Variants in TACC2 observed in about 807,000 individuals in gnomAD.
TACC2 encodes the protein transforming acidic coiled-coil-containing protein 2.
Under a neutral mutation model 227.3 loss-of-function variants are expected in TACC2, and 137 were observed. The observed-to-expected ratio is 0.60, with a 90% CI of 0.52 to 0.69. The LOEUF (loss-of-function observed/expected upper bound fraction) is 0.69. Ranked by LOEUF, TACC2 falls within the 30% of genes least tolerant of loss-of-function variation. The pLI is 0.00. For synonymous variants in TACC2, 1,523 were observed against 1,487.5 expected, an observed-to-expected ratio of 1.02 and a Z score of -0.55; for missense variants, 3,470 against 3,694.4, an observed-to-expected ratio of 0.94 and a Z score of 1.57.
At chr10:122,032,785 C>T (rs1007040958) in intron 2 of TACC2, among the ~76,000 whole-genome samples, 5 of 152,214 alleles carry the variant, frequency 3.3e-5, no homozygotes, top group East Asian at 3.9e-4. Flanking sequence ...ATGGTGAAAC[C>T]CCATCTCTAC....
chr10:122,143,019 C>T (rs927204866), intron 6 of TACC2, among the ~76,000 whole-genome samples: 7 of 152,154 alleles, frequency 4.6e-5, no homozygotes, highest in African/African-American at 1.7e-4. Context: ...GTTCCCTACT[C>T]GAGGGCCACA....
chr10:122,131,986 C>T (rs1246299352), intron 5 of TACC2, among the ~76,000 whole-genome samples: 2 of 151,238 alleles, frequency 1.3e-5, no homozygotes, highest in African/African-American at 4.9e-5. Context: ...CACGTCATTG[C>T]ACTTCAGCCT....
intron 5 of TACC2, among the ~76,000 whole-genome samples, chr10:122,105,942 C>G (rs1193617870): frequency 1.7e-3 from 188 of 109,870 alleles, no homozygotes; most frequent in East Asian, 0.012. Flanking sequence ...CATTTTCTCT[C>G]TCTGTGTGTG....
rs1324127475 is a variant in TACC2 at position 122,082,852 on chromosome 10, C to T, written c.352C>T (p.Pro118Ser). ...SSSMPFAECPPEGCLASPAAA... is the reference protein window; with the variant it reads ...SSSMPFAECPSEGCLASPAAA... ...CTCCATGCCCTTTGCCGAGTGTCCC[C>T]CGGAAGGTTGCTTGGCAAGTCCAGC... The change falls in exon 4 of 23, where the codon CCG (proline) becomes TCG (serine). Residue 118 changes from proline (P) to serine (S), a missense_variant. By Grantham distance (74) the Pro-to-Ser change is moderately conservative. This residue lies in a region of TACC2 where 405 missense variants were observed against 389.6 expected (regional missense o/e 1.04). Transcript: ENST00000369005. 6 of 1,613,432 alleles carry T rather than the reference C, an allele frequency of 3.7e-6. No individual in the cohort carries two copies. The Admixed American group carries it at 1.0e-4, about 27-fold the overall frequency.
chr10:122,057,288 G>T (rs1169389759), intron 3 of TACC2, among the ~76,000 whole-genome samples: 1 of 152,188 alleles, frequency 6.6e-6, no homozygotes, highest in Admixed American at 6.5e-5. Context: ...GTGCACTGGA[G>T]GGGTGGAGGG....
At chr10:122,132,421 C>T (rs955815164) in intron 5 of TACC2, among the ~76,000 whole-genome samples, 188 bp from the exon 6 acceptor site, 19 of 152,148 alleles carry the variant, frequency 1.2e-4, no homozygotes, top group Admixed American at 2.6e-4. Flanking sequence ...GGTGGCGGGG[C>T]GCCTGTAATC....
intron 7 of TACC2, among the ~76,000 whole-genome samples, chr10:122,166,817 A>G (rs1030332714): frequency 1.3e-5 from 2 of 152,194 alleles, no homozygotes; most frequent in East Asian, 1.9e-4. Context: ...AATAGTGACC[A>G]TTTGTTTCTA....
chr10:122,163,774 C>A, intron 7 of TACC2: 1 of 1,221,244 alleles, frequency 8.2e-7, no homozygotes, highest in Non-Finnish European at 1.0e-6. Context: ...TCCCTGCCGC[C>A]GCTCCCGCCG....
Position 122,082,975 on chromosome 10 carries a change from G to C in TACC2, c.475G>C (p.Asp159His). The change falls in exon 4 of 23, where the codon GAC becomes CAC. Residue 159 changes from aspartate to histidine, a missense_variant. Physicochemically the swap from Asp to His is moderately conservative, Grantham distance 81. This residue lies in a region of TACC2 where 405 missense variants were observed against 389.6 expected (regional missense o/e 1.04). Coordinates refer to ENST00000369005, the MANE Select transcript of TACC2 (RefSeq NM_206862.4). ...DIAAAFPAER[D>H]SSTPYQEIAA... ...CGCGGCGGCATTTCCCGCTGAGAGG[G>C]ACAGCTCTACTCCATACCAAGAGAT... is the stretch of plus-strand genomic sequence containing the variant. 2 of 1,612,846 alleles carry C rather than the reference G, an allele frequency of 1.2e-6. No individual in the cohort carries two copies. Among genetic ancestry groups the C allele is most frequent in the Non-Finnish European group, 1.7e-6 (2 of 1,180,014 alleles).
rs754242356 is a variant in TACC2 at position 122,086,761 on chromosome 10, C to T, written c.4261C>T (p.Leu1421Phe). 151 of 1,613,814 alleles carry T rather than the reference C, an allele frequency of 9.4e-5. No individual in the cohort carries two copies. Among genetic ancestry groups the T allele is most frequent in the Non-Finnish European group, 1.3e-4 (150 of 1,179,986 alleles). Residue 1421 changes from leucine (L) to phenylalanine (F), a missense_variant, in exon 4 of 23, where the codon CTC (leucine) becomes TTC (phenylalanine). Leu to Phe is a conservative substitution (Grantham distance 22). Coordinates refer to ENST00000369005, the MANE Select transcript of TACC2 (RefSeq NM_206862.4). ...HIAKIFEKPV[L>F]GALATPGEKA... The stretch of plus-strand genomic sequence containing the variant: ...CGCCAAGATCTTCGAGAAGCCTGTG[C>T]TCGGAGCCCTGGCCACACCTGGAGA...
chr10:122,249,177 G>A, intron 21 of TACC2, 21 bp downstream of exon 21: 3 of 1,582,588 alleles, frequency 1.9e-6, no homozygotes, highest in Non-Finnish European at 2.6e-6. Context: ...GCCACTGGGG[G>A]TGGCTCCCAG....
rs1377924349 is a variant in TACC2, at chr10:122,085,279, C to G, written c.2779C>G (p.Leu927Val). The change falls in exon 4 of 23, where the codon CTG (leucine) becomes GTG (valine). Residue 927 changes from leucine (L) to valine (V), a missense_variant. Physicochemically the swap from Leu to Val is conservative, Grantham distance 32. Coordinates refer to ENST00000369005, the MANE Select transcript of TACC2 (RefSeq NM_206862.4). ...SPTDMVWESS[L>V]TEESELSAPT... ...CACTGACATGGTTTGGGAGAGTTCT[C>G]TGACAGAAGAGTCAGAATTGTCAGC... 2 of 1,613,948 alleles carry G rather than the reference C, an allele frequency of 1.2e-6. No homozygotes were observed. Among genetic ancestry groups the G allele is most frequent in the East Asian group, 2.2e-5 (1 of 44,894 alleles).
chr10:122,200,738 CCGTGTT>C (rs2094779201), intron 8 of TACC2, among the ~76,000 whole-genome samples: 1 of 147,238 alleles, frequency 6.8e-6, no homozygotes, highest in Admixed American at 6.7e-5. Flanking sequence ...CCCACAGTGG[CCGTGTT>C]CACATGGGGA....
intron 7 of TACC2, among the ~76,000 whole-genome samples, chr10:122,173,918 C>A (rs2093593695): frequency 6.6e-6 from 1 of 152,206 alleles, no homozygotes; most frequent in African/African-American, 2.4e-5. Flanking sequence ...TGACCTGGGG[C>A]CAGCAGCCAC....
At chr10:121,991,948 G>A (rs1953043472) in intron 1 of TACC2, among the ~76,000 whole-genome samples, 1 of 152,110 alleles carries the variant, frequency 6.6e-6, no homozygotes, top group Admixed American at 6.6e-5. Context: ...AGCTTGTGCA[G>A]GGAAACTCCC....
chr10:122,044,905 A>G (rs562504964), intron 2 of TACC2, among the ~76,000 whole-genome samples: 7 of 152,224 alleles, frequency 4.6e-5, no homozygotes, highest in African/African-American at 1.4e-4. Flanking sequence ...AGGCTTGCCA[A>G]TTGTTTTTCC....
chr10:122,085,760 A>C lies in TACC2; in HGVS notation c.3260A>C (p.Glu1087Ala). The change falls in exon 4 of 23, where the codon GAA (glutamate) becomes GCA (alanine). Residue 1087 changes from glutamate (E) to alanine (A), a missense_variant. Physicochemically the swap from Glu to Ala is moderately radical, Grantham distance 107 (BLOSUM62 -1). Transcript: ENST00000369005. The part of the protein sequence containing the change: ...PETEACDETQ[E>A]GRQQPVPAPQ... ...ACAGAGGCATGTGATGAAACCCAGG[A>C]AGGCAGGCAGCAACCAGTGCCGGCC... 6.8e-6 allele frequency: 11 copies of C among 1,613,904 alleles called. No individual in the cohort carries two copies. Among genetic ancestry groups the C allele is most frequent in the Non-Finnish European group, 9.3e-6 (11 of 1,179,996 alleles).
At chr10:122,031,164 G>C (rs1412531136) in intron 2 of TACC2, among the ~76,000 whole-genome samples, 1 of 152,142 alleles carries the variant, frequency 6.6e-6, no homozygotes, top group Non-Finnish European at 1.5e-5. Context: ...GTGACCATAA[G>C]CAGAGAAAGG....
chr10:122,225,337 G>T lies in TACC2; in HGVS notation c.7608+550G>T, dbSNP rs75399555. Among the ~76,000 whole-genome samples, 17 of 152,346 alleles carry T rather than the reference G, an allele frequency of 1.1e-4. No individual in the cohort carries two copies. The East Asian group carries it at 2.7e-3, about 24-fold the overall frequency. On this transcript the variant is annotated intron_variant, in intron 12 of 22. Transcript: ENST00000369005. ...GCTTGCTTGCTTACAGCACTACGTG[G>T]CCCTGGATATGTTGCTCTTTATCTT...
Sources: gnomAD v4.1 joint callset for allele counts (sites outside exome capture counted in the v4.1 genomes callset) on GRCh38, gnomAD v4.1.1 for gene constraint, gnomAD v4.1.1 regional missense constraint, MANE v1.5 for transcripts, NCBI Gene and HGNC (gene_info 2026-07-23, HGNC 2026-07-21) for gene names.